The following MDGA2 variants were observed in gnomAD, a reference collection of about 807,000 sequenced individuals.
MDGA2 encodes MAM domain containing glycosylphosphatidylinositol anchor 2, also known as MAM domain-containing glycosylphosphatidylinositol anchor protein 2.
MDGA2 carries 40 observed loss-of-function variants against 117.8 expected under a neutral mutation model. That is an observed-to-expected ratio of 0.34 (90% CI 0.26 to 0.44). The LOEUF (loss-of-function observed/expected upper bound fraction) is 0.44. Ranked by LOEUF, MDGA2 falls within the 20% of genes least tolerant of loss-of-function variation. The probability of loss-of-function intolerance (pLI) is 1.00; values close to 1 mark genes in which losing one functional copy is unlikely to be tolerated. For missense variants in MDGA2, 1,123 were observed against 1,250.6 expected (o/e 0.90, Z 1.54); for synonymous variants, 452 against 439.0 (o/e 1.03, Z -0.37).
chr14:47,139,831 C>CATAT (rs576039938), intron 4 of MDGA2, among the ~76,000 whole-genome samples: 4 of 143,068 alleles, frequency 2.8e-5, no homozygotes, highest in African/African-American at 7.8e-5. Context: ...TATATATACA[C>CATAT]ATATATATAT....
intron 1 of MDGA2, among the ~76,000 whole-genome samples, chr14:47,433,262 C>A (rs962538308): frequency 6.6e-6 from 1 of 151,968 alleles, no homozygotes; most frequent in African/African-American, 2.4e-5. Context: ...AGTTGTCCTT[C>A]TGGGAAACAG....
At chr14:47,202,559 G>A (rs1336791957) in intron 3 of MDGA2, among the ~76,000 whole-genome samples, 3 of 152,134 alleles carry the variant, frequency 2.0e-5, no homozygotes, top group Admixed American at 2.0e-4. Context: ...ATTAAGAGCT[G>A]ACCTTCCTGA....
At chr14:46,953,991 G>A (rs758033841) in intron 9 of MDGA2, among the ~76,000 whole-genome samples, 2 of 151,924 alleles carry the variant, frequency 1.3e-5, no homozygotes, top group Non-Finnish European at 2.9e-5. Context: ...TCAAGCTGCT[G>A]GAAACATCTT....
At chr14:46,964,875 A>G (rs1238428576) in intron 8 of MDGA2, among the ~76,000 whole-genome samples, 1 of 150,736 alleles carries the variant, frequency 6.6e-6, no homozygotes, top group Non-Finnish European at 1.5e-5. Context: ...TTGTCAGTGT[A>G]ATTCATTATA....
intron 6 of MDGA2, among the ~76,000 whole-genome samples, chr14:47,068,231 A>T (rs1348292342): frequency 6.6e-6 from 1 of 152,068 alleles, no homozygotes; most frequent in Non-Finnish European, 1.5e-5. Context: ...ATAGAACATC[A>T]GCAGGTAAGC....
chr14:47,283,474 C>T (rs1361136529), intron 2 of MDGA2, among the ~76,000 whole-genome samples: 1 of 152,154 alleles, frequency 6.6e-6, no homozygotes, highest in Admixed American at 6.5e-5. Context: ...TAACCTTATA[C>T]ATATGTATAC....
intron 1 of MDGA2, among the ~76,000 whole-genome samples, chr14:47,467,617 T>C (rs1446145041): frequency 6.6e-6 from 1 of 152,126 alleles, no homozygotes; most frequent in Non-Finnish European, 1.5e-5. Context: ...GCCATTTTGC[T>C]TGGGTATGAA....
intron 1 of MDGA2, among the ~76,000 whole-genome samples, chr14:47,546,927 A>C (rs1054730430): frequency 3.3e-5 from 5 of 152,194 alleles, no homozygotes; most frequent in Non-Finnish European, 7.3e-5. Flanking sequence ...AAATGGAATG[A>C]ATTAATGTTA....
chr14:47,495,051 A>G (rs1283416454), intron 1 of MDGA2, among the ~76,000 whole-genome samples: 1 of 152,008 alleles, frequency 6.6e-6, no homozygotes, highest in African/African-American at 2.4e-5. Context: ...GTATGGGTAT[A>G]TACACACATA....
chr14:47,464,017 C>T (rs1893545704), intron 1 of MDGA2, among the ~76,000 whole-genome samples: 1 of 151,428 alleles, frequency 6.6e-6, no homozygotes, highest in South Asian at 2.1e-4. Context: ...AATGTTATTA[C>T]AATACTCACA....
At chr14:47,542,102 T>C (rs1895365076) in intron 1 of MDGA2, among the ~76,000 whole-genome samples, 1 of 152,108 alleles carries the variant, frequency 6.6e-6, no homozygotes, top group African/African-American at 2.4e-5. Context: ...GACACAAAGA[T>C]AGGAAAACCA....
intron 1 of MDGA2, among the ~76,000 whole-genome samples, chr14:47,565,032 A>G (rs994764837): frequency 2.0e-5 from 3 of 152,038 alleles, no homozygotes; most frequent in Admixed American, 6.5e-5. Context: ...TATTCTGTAG[A>G]ATCCTTGGAT....
intron 5 of MDGA2, among the ~76,000 whole-genome samples, chr14:47,129,634 A>C (rs1282709741): frequency 6.6e-6 from 1 of 150,704 alleles, no homozygotes; most frequent in Non-Finnish European, 1.5e-5. Context: ...GTCAAATGGT[A>C]TTTCTAGTTC....
At chr14:47,427,480 A>C (rs1892714368) in intron 1 of MDGA2, among the ~76,000 whole-genome samples, 1 of 151,828 alleles carries the variant, frequency 6.6e-6, no homozygotes, top group South Asian at 2.1e-4. Context: ...ACAAGAAAAA[A>C]GTTTTTGGAC....
chr14:47,382,884 G>T (rs910190576), intron 1 of MDGA2, among the ~76,000 whole-genome samples: 6 of 152,134 alleles, frequency 3.9e-5, no homozygotes, highest in African/African-American at 1.2e-4. Context: ...AAATCATGCT[G>T]CTATAAAGAC....
At chr14:46,976,551 T>C (rs1245069241) in intron 8 of MDGA2, among the ~76,000 whole-genome samples, 1 of 151,866 alleles carries the variant, frequency 6.6e-6, no homozygotes, top group East Asian at 1.9e-4. Flanking sequence ...TTACATTATC[T>C]AGCATGCATA....
intron 3 of MDGA2, among the ~76,000 whole-genome samples, chr14:47,176,938 C>T (rs1319751077): frequency 6.6e-6 from 1 of 152,080 alleles, no homozygotes; most frequent in African/African-American, 2.4e-5. Flanking sequence ...CTACAATGAA[C>T]TCAAACAAAT....
At chr14:47,612,426 T>G (rs938337700) in intron 1 of MDGA2, among the ~76,000 whole-genome samples, 15 of 152,102 alleles carry the variant, frequency 9.9e-5, no homozygotes, top group African/African-American at 3.6e-4. Flanking sequence ...CTTCAAAATG[T>G]TTTTTTCAAA....
At chr14:47,637,525 A>T (rs979986983) in intron 1 of MDGA2, among the ~76,000 whole-genome samples, 8 of 152,216 alleles carry the variant, frequency 5.3e-5, no homozygotes, top group African/African-American at 1.9e-4. Flanking sequence ...CAATTTTCCA[A>T]GAATATCCTG....
Sources: allele counts gnomAD v4.1 joint callset (sites outside exome capture counted in the v4.1 genomes callset), GRCh38; gene constraint gnomAD v4.1.1; transcripts MANE v1.5; gene names NCBI Gene and HGNC (gene_info 2026-07-23, HGNC 2026-07-21).